PCSK6: variants seen among roughly 807,000 people sequenced by gnomAD.
PCSK6 encodes paired basic amino acid cleaving enzyme 4.
Under a neutral mutation model 123.3 loss-of-function variants are expected in PCSK6, and 85 were observed. The ratio of observed to expected loss-of-function variants is 0.69; its 90% confidence interval spans 0.58 to 0.83. The LOEUF is 0.83. Among genes scored for constraint, PCSK6 ranks in the 40% least tolerant of loss-of-function variants. The probability of loss-of-function intolerance (pLI) is 0.00; values close to 1 mark genes in which losing one functional copy is unlikely to be tolerated. For synonymous variants in PCSK6, 508 were observed against 516.0 expected (o/e 0.98, Z 0.21); for missense variants, 1,191 against 1,282.3 (o/e 0.93, Z 1.09).
At chr15:101,347,221 A>G (rs1388776935) in intron 13 of PCSK6, 1 of 1,232,102 alleles carries the variant, frequency 8.1e-7, no homozygotes, top group African/African-American at 1.6e-5. Context: ...CAAGCACAGG[A>G]TAGATTGAGC....
chr15:101,449,944 C>T (rs969348210), intron 1 of PCSK6, among the ~76,000 whole-genome samples: 7 of 152,136 alleles, frequency 4.6e-5, no homozygotes, highest in African/African-American at 1.4e-4. Flanking sequence ...CGGATCTGCA[C>T]CATCTTTATC....
intron 1 of PCSK6, among the ~76,000 whole-genome samples, chr15:101,449,330 T>C (rs80243739): frequency 1.4e-3 from 212 of 152,350 alleles, no homozygotes; most frequent in African/African-American, 4.7e-3. Flanking sequence ...CATTTTTTTT[T>C]CATGTTTTTG....
At chr15:101,336,799 G>GGGCCA (rs1168337743) in intron 13 of PCSK6, 1 of 85,106 alleles carries the variant, frequency 1.2e-5, no homozygotes, top group Non-Finnish European at 2.3e-5. Flanking sequence ...AGCCTATGAG[G>GGGCCA]GGCCAGGCAC....
intron 1 of PCSK6, among the ~76,000 whole-genome samples, chr15:101,445,748 C>T (rs867184600): frequency 2.0e-5 from 3 of 152,192 alleles, no homozygotes; most frequent in Admixed American, 6.5e-5. Context: ...TCTGGGCATT[C>T]GAGTCAATTC....
At chr15:101,394,932 G>A (rs2042360050) in intron 7 of PCSK6, among the ~76,000 whole-genome samples, 1 of 152,210 alleles carries the variant, frequency 6.6e-6, no homozygotes, top group South Asian at 2.1e-4. Context: ...GAGCTCAACA[G>A]AAAGGTCCCT....
chr15:101,431,017 G>A (rs183231240), intron 4 of PCSK6, among the ~76,000 whole-genome samples: 6 of 152,296 alleles, frequency 3.9e-5, no homozygotes, highest in Admixed American at 3.9e-4. Flanking sequence ...GTCACTGTTC[G>A]TGTTGCTACT....
At chr15:101,328,538 C>T (rs1020646530) in intron 15 of PCSK6, among the ~76,000 whole-genome samples, 3 of 152,144 alleles carry the variant, frequency 2.0e-5, no homozygotes, top group Admixed American at 6.5e-5. Flanking sequence ...AGGATGTCCT[C>T]GGAGGAGGAC....
At chr15:101,465,936 G>A (rs2057449581) in intron 1 of PCSK6, among the ~76,000 whole-genome samples, 2 of 152,046 alleles carry the variant, frequency 1.3e-5, no homozygotes, top group African/African-American at 2.4e-5. Context: ...GGGGTGCGGA[G>A]AACAAATGTA....
chr15:101,460,391 A>G (rs1383151999), intron 1 of PCSK6, among the ~76,000 whole-genome samples: 2 of 152,008 alleles, frequency 1.3e-5, no homozygotes, highest in African/African-American at 2.4e-5. Flanking sequence ...TACCTCCATC[A>G]AGCCAAATCT....
chr15:101,452,128 C>T (rs1249313565), intron 1 of PCSK6, among the ~76,000 whole-genome samples: 2 of 152,244 alleles, frequency 1.3e-5, no homozygotes, highest in East Asian at 1.9e-4. Context: ...TTCTTCAACA[C>T]ATATCCACCC....
At chr15:101,413,346 A>T (rs1169218836) in intron 6 of PCSK6, among the ~76,000 whole-genome samples, 1 of 152,216 alleles carries the variant, frequency 6.6e-6, no homozygotes, top group South Asian at 2.1e-4. Context: ...GAGAAGTTAC[A>T]TGTGCATAAT....
intron 1 of PCSK6, among the ~76,000 whole-genome samples, chr15:101,453,769 G>A (rs79708200): frequency 0.031 from 4,740 of 152,256 alleles, 234 homozygotes; most frequent in African/African-American, 0.11. Context: ...CTGAGTATGC[G>A]AGAAGTAGGG....
At chr15:101,452,837 T>C (rs1005868373) in intron 1 of PCSK6, among the ~76,000 whole-genome samples, 1 of 152,158 alleles carries the variant, frequency 6.6e-6, no homozygotes, top group African/African-American at 2.4e-5. Flanking sequence ...TGTCCATGGC[T>C]GTGCTGCACG....
chr15:101,319,050 C>T (rs1252717664), intron 18 of PCSK6, among the ~76,000 whole-genome samples: 1 of 152,228 alleles, frequency 6.6e-6, no homozygotes, highest in Non-Finnish European at 1.5e-5. Context: ...CTGAGCTAGA[C>T]CACCCACGTG....
chr15:101,473,243 A>AT (rs1050734105), intron 1 of PCSK6, among the ~76,000 whole-genome samples: 3 of 151,136 alleles, frequency 2.0e-5, no homozygotes, highest in Admixed American at 2.0e-4. Context: ...TGACTGGCTA[A>AT]TTTTTTTATT....
intron 13 of PCSK6, among the ~76,000 whole-genome samples, chr15:101,358,284 T>A (rs1182289722): frequency 6.6e-6 from 1 of 152,180 alleles, no homozygotes. Flanking sequence ...TAATGGCCTG[T>A]ATTTTCTATG....
In PCSK6 at chr15:101,331,922, C is replaced by T. The variant is rs745543627; in HGVS notation, c.1968G>A (p.Glu656=). 1.9e-6 allele frequency: 3 copies of T among 1,613,922 alleles called. No individual in the cohort carries two copies. Among genetic ancestry groups the T allele is most frequent in the Non-Finnish European group, 2.5e-6 (3 of 1,179,860 alleles). ...RSRMLELSAP[E]LEPPKAALSP... is the part of the protein sequence containing the mutation. ...ACAGGGCAGCCTTGGGTGGCTCCAG[C>T]TCTGGGGCTGAGAGCTCCAGCATCC... is the stretch of plus-strand genomic sequence containing the variant. Residue 656 remains glutamate (E), a synonymous_variant, in exon 14 of 22, where the codon GAG becomes GAA. Coordinates refer to ENST00000611716, the MANE Select transcript of PCSK6 (RefSeq NM_002570.5).
chr15:101,349,903 GTTTAT>G (rs1172271855), intron 13 of PCSK6, among the ~76,000 whole-genome samples: 1 of 151,922 alleles, frequency 6.6e-6, no homozygotes, highest in African/African-American at 2.4e-5. Context: ...TTGTGTTTTC[GTTTAT>G]TTTTTTTATT....
intron 13 of PCSK6, among the ~76,000 whole-genome samples, chr15:101,364,295 T>A (rs997902047): frequency 1.3e-5 from 2 of 152,142 alleles, no homozygotes; most frequent in African/African-American, 4.8e-5. Context: ...CCCAGCACAT[T>A]CTGTAAACGT....
Sources: gnomAD v4.1 joint callset for allele counts (sites outside exome capture counted in the v4.1 genomes callset) on GRCh38, gnomAD v4.1.1 for gene constraint, MANE v1.5 for transcripts, NCBI Gene and HGNC (gene_info 2026-07-23, HGNC 2026-07-21) for gene names.